Variants in MCPH1 observed in about 807,000 individuals in gnomAD.
The protein encoded by MCPH1 is microcephalin.
MCPH1 carries 104 observed loss-of-function variants against 84.5 expected under a neutral mutation model. The ratio of observed to expected loss-of-function variants is 1.23; its 90% CI spans 1.05 to 1.45. The LOEUF (loss-of-function observed/expected upper bound fraction) is 1.45. Ranked by LOEUF, MCPH1 falls within the 40% of genes most tolerant of loss-of-function variation. The pLI is 0.00. For synonymous variants in MCPH1, 514 were observed against 366.8 expected, an observed-to-expected ratio of 1.40 and a Z score of -4.58; for missense variants, 1,498 against 1,005.7, an observed-to-expected ratio of 1.49 and a Z score of -6.62.
chr8:6,504,635 G>A (rs1224450878), intron 12 of MCPH1, among the ~76,000 whole-genome samples: 2 of 152,128 alleles, frequency 1.3e-5, no homozygotes, highest in Non-Finnish European at 2.9e-5. Flanking sequence ...TCCTTTAAGT[G>A]AAAAGGTGAA....
intron 12 of MCPH1, among the ~76,000 whole-genome samples, chr8:6,541,906 G>C (rs976804140): frequency 6.6e-5 from 10 of 151,800 alleles, no homozygotes; most frequent in African/African-American, 2.2e-4. Context: ...TACTCAGGAG[G>C]CTAAGGTGGG....
At chr8:6,430,396 G>C (rs953830411) in intron 3 of MCPH1, among the ~76,000 whole-genome samples, 7 of 152,170 alleles carry the variant, frequency 4.6e-5, no homozygotes, top group African/African-American at 1.7e-4. Context: ...GATGAGAAAG[G>C]AAAATCACAC....
chr8:6,505,667 A>G (rs1813464731), intron 12 of MCPH1, among the ~76,000 whole-genome samples: 1 of 130,130 alleles, frequency 7.7e-6, no homozygotes, highest in African/African-American at 2.8e-5. Context: ...TATATAGAAT[A>G]TATATACTTT....
intron 12 of MCPH1, chr8:6,501,917 C>G (rs757621488): frequency 2.2e-4 from 31 of 141,362 alleles, no homozygotes; most frequent in African/African-American, 7.8e-4. Context: ...TTTGTTTTTG[C>G]ACTTTGAAAC....
intron 12 of MCPH1, among the ~76,000 whole-genome samples, chr8:6,566,286 G>GA (rs1826143392): frequency 6.6e-6 from 1 of 152,238 alleles, no homozygotes; most frequent in South Asian, 2.1e-4. Flanking sequence ...GGTGGTCTGT[G>GA]GGGGTAGGAG....
At chr8:6,469,155 G>T (rs968030766) in intron 9 of MCPH1, among the ~76,000 whole-genome samples, 4 of 152,092 alleles carry the variant, frequency 2.6e-5, no homozygotes, top group African/African-American at 9.7e-5. Flanking sequence ...ACTCCAGCCT[G>T]GGCAAGAGTG....
At chr8:6,481,416 G>C (rs1550690) in intron 11 of MCPH1, among the ~76,000 whole-genome samples, 49,078 of 151,952 alleles carry the variant, frequency 0.32, 8,487 homozygotes, top group African/African-American at 0.46. Flanking sequence ...AATTATTTTC[G>C]TTATTCATAA....
At chr8:6,602,745 C>T (rs189087999) in intron 12 of MCPH1, among the ~76,000 whole-genome samples, 196 of 152,106 alleles carry the variant, frequency 1.3e-3, no homozygotes, top group Non-Finnish European at 2.4e-3. Context: ...ACCTCTTGGC[C>T]CAACTCTGCA....
At chr8:6,586,906 G>A (rs1310139915) in intron 12 of MCPH1, among the ~76,000 whole-genome samples, 2 of 152,194 alleles carry the variant, frequency 1.3e-5, no homozygotes, top group Non-Finnish European at 2.9e-5. Context: ...AGAATTCCCT[G>A]TGCTGCTTCC....
intron 12 of MCPH1, among the ~76,000 whole-genome samples, chr8:6,592,840 T>G (rs1828614631): frequency 7.7e-6 from 1 of 129,782 alleles, no homozygotes; most frequent in Non-Finnish European, 1.7e-5. Context: ...TTTTTTTTTG[T>G]ATTTTTGGTG....
In MCPH1 at chr8:6,619,456, A is replaced by G. The variant is rs199631520; in HGVS notation, c.2215-1998A>G. The stretch of plus-strand genomic sequence containing the variant: ...CAGGCGCCTACCAAAATGCTCGGCT[A>G]GTTTTTGTATTTTTAGTAGAGATGG... On this transcript the variant is annotated intron_variant, in intron 12 of 13. Transcript: ENST00000344683. Among the ~76,000 whole-genome samples, 29 of 151,418 alleles carry G rather than the reference A, an allele frequency of 1.9e-4. 1 individual carries two copies. The East Asian group carries it at 2.9e-3, about 15-fold the overall frequency.
intron 12 of MCPH1, among the ~76,000 whole-genome samples, chr8:6,523,158 A>G (rs1205405113): frequency 6.6e-6 from 1 of 151,960 alleles, no homozygotes; most frequent in African/African-American, 2.4e-5. Context: ...TCACCATGTC[A>G]GGCTAACTTT....
At chr8:6,505,326 TAC>T (rs1813235334) in intron 12 of MCPH1, among the ~76,000 whole-genome samples, 1 of 84,830 alleles carries the variant, frequency 1.2e-5, no homozygotes, top group Non-Finnish European at 2.0e-5. Flanking sequence ...ATATGTTATA[TAC>T]ATATAGAAAG....
chr8:6,546,689 A>C (rs1445981178), intron 12 of MCPH1, among the ~76,000 whole-genome samples: 1 of 152,212 alleles, frequency 6.6e-6, no homozygotes, highest in African/African-American at 2.4e-5. Context: ...GTGAATCACT[A>C]AGGGTCCCAT....
intron 12 of MCPH1, among the ~76,000 whole-genome samples, chr8:6,560,997 ACT>A (rs1420926378): frequency 1.3e-5 from 2 of 152,142 alleles, no homozygotes; most frequent in African/African-American, 4.8e-5. Flanking sequence ...CCTCGCTGTG[ACT>A]CTGTAACCAC....
chr8:6,621,817 C>T (rs952182052), intron 13 of MCPH1, 126 bp downstream of exon 13: 3 of 1,246,054 alleles, frequency 2.4e-6, no homozygotes, highest in African/African-American at 2.9e-5. Flanking sequence ...GTCTCAGCCT[C>T]CAGCATCTGC....
intron 9 of MCPH1, among the ~76,000 whole-genome samples, chr8:6,466,471 C>G (rs1237629825): frequency 6.6e-6 from 1 of 152,184 alleles, no homozygotes; most frequent in Non-Finnish European, 1.5e-5. Context: ...CCACACCTGG[C>G]TAAGTTTTTG....
In MCPH1 at chr8:6,480,145, A is replaced by C. The variant is rs543815964; in HGVS notation, c.1974-569A>C. 1.8e-3 allele frequency among the ~76,000 whole-genome samples: 247 copies of C among 140,742 alleles called. 1 individual carries two copies. Among genetic ancestry groups the C allele is most frequent in the South Asian group, 5.4e-3 (24 of 4,468 alleles). The allele number at this position is 140,742 out of a possible 152,430, so 92.3% of individuals were successfully genotyped here. A position where few individuals can be genotyped will look rare whatever the true frequency, so the allele number is the denominator to read the frequency against. ...CTTTTTTTCTTTTTTTTTTTTTGAG[A>C]CGGAGTCTCTCCCTGTCGCCCAGGC... is the stretch of plus-strand genomic sequence containing the variant. On this transcript the variant is annotated intron_variant, in intron 10 of 13. Coordinates refer to ENST00000344683, the MANE Select transcript of MCPH1 (RefSeq NM_024596.5).
chr8:6,432,042 C>A (rs1174920792), intron 4 of MCPH1, among the ~76,000 whole-genome samples: 1 of 152,180 alleles, frequency 6.6e-6, no homozygotes, highest in African/African-American at 2.4e-5. Flanking sequence ...AGTTCCGGGA[C>A]CCCCACAGAT....
Sources: gnomAD v4.1 joint callset for allele counts (sites outside exome capture counted in the v4.1 genomes callset) on GRCh38, gnomAD v4.1.1 for gene constraint, MANE v1.5 for transcripts, NCBI Gene and HGNC (gene_info 2026-07-23, HGNC 2026-07-21) for gene names.